Variants in GNPTAB observed in about 807,000 individuals in gnomAD.
The protein encoded by GNPTAB is N-acetylglucosamine-1-phosphate transferase subunits alpha and beta.
In GNPTAB, 92 loss-of-function variants were observed where a neutral mutation model predicts 136.6. The ratio of observed to expected loss-of-function variants is 0.67; its 90% CI spans 0.57 to 0.80. GNPTAB has a LOEUF of 0.80. Ranked by LOEUF, GNPTAB falls within the 30% of genes least tolerant of loss-of-function variation. The pLI, the probability that GNPTAB is intolerant of heterozygous loss-of-function variation, is 0.00. For synonymous variants in GNPTAB, 512 were observed against 535.1 expected, an observed-to-expected ratio of 0.96 and a Z score of 0.60; for missense variants, 1,343 against 1,501.8, an observed-to-expected ratio of 0.89 and a Z score of 1.75.
intron 5 of GNPTAB, chr12:101,785,780 GTCC>G: frequency 2.0e-6 from 1 of 503,826 alleles, no homozygotes; most frequent in Non-Finnish European, 3.6e-6. Flanking sequence ...CAGATTGAAA[GTCC>G]TCATCACAGC....
At chr12:101,823,132 A>G (rs1870902382) in intron 1 of GNPTAB, among the ~76,000 whole-genome samples, 1 of 152,234 alleles carries the variant, frequency 6.6e-6, no homozygotes, top group Non-Finnish European at 1.5e-5. Flanking sequence ...CCATCTTCTG[A>G]CAGTCCTCTC....
In GNPTAB at chr12:101,786,146, G is replaced by A; in HGVS notation, c.437C>T (p.Pro146Leu). Residue 146 changes from proline to leucine, a missense_variant, in exon 5 of 21, where the codon CCA becomes CTA. Physicochemically the swap from Pro to Leu is moderately conservative, Grantham distance 98. Transcript: ENST00000299314. ...VPMLVLDPAL[P>L]ANITLKDLPS... ...CAGGTCCTTCAGGGTGATGTTGGCT[G>A]GCAGGGCTGGGTCCAGGACAAGCAT... 6.2e-7 allele frequency: 1 copy of A among 1,614,034 alleles called. No homozygotes were observed.
chr12:101,767,808 G>C (rs576032574), intron 11 of GNPTAB: 3 of 625,172 alleles, frequency 4.8e-6, no homozygotes, highest in Admixed American at 2.7e-5. Flanking sequence ...GATAGAGATG[G>C]GGTCTTACTA....
At chr12:101,810,018 C>A (rs1193625259) in intron 1 of GNPTAB, among the ~76,000 whole-genome samples, 4 of 152,130 alleles carry the variant, frequency 2.6e-5, no homozygotes, top group Non-Finnish European at 5.9e-5. Context: ...GTGATTCACA[C>A]CTGTAATCCC....
rs188570122 is a variant in GNPTAB, at chr12:101,777,898, A to C, written c.771+2254T>G. 1.9e-3 allele frequency among the ~76,000 whole-genome samples: 282 copies of C among 152,360 alleles called. 5 individuals are homozygous for C. Among genetic ancestry groups the C allele is most frequent in the African/African-American group, 6.5e-3 (271 of 41,582 alleles). On this transcript the variant is annotated intron_variant, in intron 7 of 20. Coordinates refer to ENST00000299314, the MANE Select transcript of GNPTAB (RefSeq NM_024312.5). ...CCTGAAGTTGATCACAGGTGTTGGA[A>C]TTATGAAAACAACCTTCAAAGAACA...
chr12:101,796,115 G>T (rs932915049), intron 2 of GNPTAB: 74 of 652,864 alleles, frequency 1.1e-4, no homozygotes, highest in Non-Finnish European at 1.2e-4. Flanking sequence ...CAATGGAGTG[G>T]GGTTCAGCCC....
chr12:101,774,533 G>A (rs1158429270), intron 7 of GNPTAB, among the ~76,000 whole-genome samples: 1 of 152,176 alleles, frequency 6.6e-6, no homozygotes, highest in Admixed American at 6.5e-5. Context: ...ACATAGGACA[G>A]GGATGATAAA....
chr12:101,779,064 G>A (rs1953300744), intron 7 of GNPTAB: 1 of 148,174 alleles, frequency 6.7e-6, no homozygotes, highest in Non-Finnish European at 1.5e-5. Context: ...TTTGGTTGGG[G>A]GGTGCATATA....
intron 7 of GNPTAB, chr12:101,779,930 A>C: frequency 1.7e-6 from 1 of 575,832 alleles, no homozygotes; most frequent in East Asian, 3.0e-5. Flanking sequence ...CTGTTAAACA[A>C]ATGAGTCCTT....
rs148670481 is a variant in GNPTAB at position 101,797,278 on chromosome 12, C to A, written c.118-516G>T. On this transcript the variant is annotated intron_variant, in intron 1 of 20. Coordinates refer to ENST00000299314, the MANE Select transcript of GNPTAB (RefSeq NM_024312.5). ...AGGATTTTAAGGCAGTTACAGAATC[C>A]GTCTAAAGTTTAGGAAAGACTCTTC... Among the ~76,000 whole-genome samples, 35 of 152,096 alleles carry A rather than the reference C, an allele frequency of 2.3e-4. No homozygotes were observed. In the East Asian group the frequency reaches 5.6e-3, roughly 24 times the overall value.
At chr12:101,791,694 C>G (rs1869000360) in intron 2 of GNPTAB, among the ~76,000 whole-genome samples, 1 of 152,144 alleles carries the variant, frequency 6.6e-6, no homozygotes, top group South Asian at 2.1e-4. Flanking sequence ...CTCCTTTTGT[C>G]CTCCTCACAG....
At chr12:101,761,839 T>A in intron 13 of GNPTAB, 76 bp from the exon 14 acceptor site, 3 of 1,079,764 alleles carry the variant, frequency 2.8e-6, no homozygotes, top group Non-Finnish European at 4.3e-6. Context: ...ACATTTTATA[T>A]AATGTGGTAA....
Position 101,796,666 on chromosome 12 carries a change from A to C in GNPTAB, c.203+11T>G, listed in dbSNP as rs1242993744. Reference sequence around the variant, plus strand: ...GGTCCAAATAATAGATTTCTCCAAAATAGATCTTACCGATTCTGAAAGGAC... The same window carrying C: ...GGTCCAAATAATAGATTTCTCCAAACTAGATCTTACCGATTCTGAAAGGAC... On this transcript the variant is annotated intron_variant, in intron 2 of 20. Transcript: ENST00000299314. 6.4e-7 allele frequency: 1 copy of C among 1,559,066 alleles called. No individual in the cohort carries two copies. The highest frequency in any genetic ancestry group is 2.2e-5 in the East Asian group (1 of 44,602).
At chr12:101,782,088 G>C (rs1868376651) in intron 5 of GNPTAB, among the ~76,000 whole-genome samples, 1 of 152,170 alleles carries the variant, frequency 6.6e-6, no homozygotes, top group African/African-American at 2.4e-5. Flanking sequence ...GTTACAGAAG[G>C]CATGCTTGTG....
At chr12:101,811,097 G>A (rs1312361781) in intron 1 of GNPTAB, among the ~76,000 whole-genome samples, 2 of 152,206 alleles carry the variant, frequency 1.3e-5, no homozygotes, top group African/African-American at 2.4e-5. Context: ...TGAGAGACCC[G>A]TGGAGCAGAG....
intron 10 of GNPTAB, among the ~76,000 whole-genome samples, chr12:101,769,787 C>G: frequency 6.6e-6 from 1 of 151,782 alleles, no homozygotes; most frequent in East Asian, 1.9e-4. Context: ...TCCACCGGGC[C>G]CAGATAATTA....
Position 101,761,761 on chromosome 12 carries a change from T to C in GNPTAB, c.2718A>G (p.Glu906=), listed in dbSNP as rs1953001060. The stretch of plus-strand genomic sequence containing the variant: ...CCAATTGTGTCTTCAATGACTCTTC[T>C]TCCTGAAAAGAGAATTCTACATGTA... The part of the protein sequence containing the change: ...KKKYFQDLLD[E]EESLKTQLAY... The change falls in exon 14 of 21, where the codon GAA becomes GAG. Residue 906 remains glutamate (E), a splice_region_variant and synonymous_variant. Coordinates refer to ENST00000299314, the MANE Select transcript of GNPTAB (RefSeq NM_024312.5). 1 of 1,608,854 alleles carries C rather than the reference T, an allele frequency of 6.2e-7. No individual in the cohort carries two copies. The highest frequency in any genetic ancestry group is 1.7e-5 in the Admixed American group (1 of 60,004).
At chr12:101,806,897 T>C (rs909474928) in intron 1 of GNPTAB, among the ~76,000 whole-genome samples, 2 of 151,276 alleles carry the variant, frequency 1.3e-5, no homozygotes, top group South Asian at 2.1e-4. Flanking sequence ...TTTCAGAAAA[T>C]GGAAGCAGAG....
chr12:101,824,432 A>ATATATATATATATATATATATATATTTT (rs1188582277), intron 1 of GNPTAB, among the ~76,000 whole-genome samples: 1 of 50,886 alleles, frequency 2.0e-5, no homozygotes, highest in Non-Finnish European at 3.5e-5. Context: ...ATATATATAT[A>ATATATATATATATATATATATATATTTT]TTTTCTTTTT....
Sources: gnomAD v4.1 joint callset for allele counts (sites outside exome capture counted in the v4.1 genomes callset) on GRCh38, gnomAD v4.1.1 for gene constraint, MANE v1.5 for transcripts, NCBI Gene and HGNC (gene_info 2026-07-23, HGNC 2026-07-21) for gene names.